Variants in MACROD2 observed in about 807,000 individuals in gnomAD.
The protein encoded by MACROD2 is ADP-ribose glycohydrolase MACROD2.
A neutral mutation model predicts 70.4 loss-of-function variants in MACROD2; 36 were observed. The observed-to-expected ratio is 0.51, with a 90% CI of 0.39 to 0.68. The LOEUF (loss-of-function observed/expected upper bound fraction) is 0.68. MACROD2 is among the 30% of genes least tolerant of loss of function. The pLI is 0.00. For missense variants in MACROD2, 496 were observed against 538.4 expected, an observed-to-expected ratio of 0.92 and a Z score of 0.78; for synonymous variants, 172 against 178.8, an observed-to-expected ratio of 0.96 and a Z score of 0.30.
At chr20:14,090,524 G>T (rs2054134034) in intron 3 of MACROD2, among the ~76,000 whole-genome samples, 1 of 146,890 alleles carries the variant, frequency 6.8e-6, no homozygotes, top group South Asian at 2.2e-4. Flanking sequence ...AATGAGCCGA[G>T]ATTGCACCAT....
Position 15,229,994 on chromosome 20 carries a change from A to G in MACROD2, c.473A>G (p.Lys158Arg), listed in dbSNP as rs1426787843. The change falls in exon 6 of 18, where the codon AAG (lysine) becomes AGG (arginine). Residue 158 changes from lysine to arginine, a missense_variant. Lys to Arg is a conservative substitution (Grantham distance 26, BLOSUM62 2). Transcript: ENST00000684519. ...IARGHINGSH[K>R]EDLANCYKSS... is the part of the protein sequence containing the mutation. ...AGGGGCCATATTAATGGTTCCCACA[A>G]GGAAGACCTTGCAAATTGCTATAAA... 3.7e-6 allele frequency: 6 copies of G among 1,613,764 alleles called. No homozygotes were observed. Among genetic ancestry groups the G allele is most frequent in the Middle Eastern group, 1.6e-4 (1 of 6,082 alleles).
intron 8 of MACROD2, among the ~76,000 whole-genome samples, chr20:15,708,594 G>A (rs1017833606): frequency 6.6e-6 from 1 of 152,294 alleles, no homozygotes; most frequent in Admixed American, 6.5e-5. Flanking sequence ...CTCGACTTGA[G>A]CCCAGCATGC....
intron 8 of MACROD2, among the ~76,000 whole-genome samples, chr20:15,802,329 G>A (rs946217633): frequency 6.6e-6 from 1 of 152,082 alleles, no homozygotes; most frequent in African/African-American, 2.4e-5. Context: ...CTGTGGGTTT[G>A]TCATATATAG....
chr20:15,385,109 A>G (rs2045695454), intron 6 of MACROD2, among the ~76,000 whole-genome samples: 1 of 152,194 alleles, frequency 6.6e-6, no homozygotes, highest in Non-Finnish European at 1.5e-5. Flanking sequence ...GAGTCTTTCC[A>G]AATGCACACA....
intron 5 of MACROD2, among the ~76,000 whole-genome samples, chr20:15,075,221 AAAG>A (rs1302890438): frequency 6.6e-6 from 1 of 152,178 alleles, no homozygotes; most frequent in Non-Finnish European, 1.5e-5. Flanking sequence ...AATGATGAAA[AAAG>A]ACGAGCATAT....
intron 5 of MACROD2, among the ~76,000 whole-genome samples, chr20:15,209,893 C>A: frequency 6.6e-6 from 1 of 152,152 alleles, no homozygotes; most frequent in East Asian, 1.9e-4. Context: ...AATGTTTGAC[C>A]TAATGTTTTC....
At chr20:15,312,104 A>G (rs1401520006) in intron 6 of MACROD2, among the ~76,000 whole-genome samples, 5 of 152,210 alleles carry the variant, frequency 3.3e-5, no homozygotes, top group African/African-American at 1.2e-4. Context: ...AAATGTAACA[A>G]CGTTAAAGGA....
intron 8 of MACROD2, among the ~76,000 whole-genome samples, chr20:15,501,453 C>T (rs1156925734): frequency 6.6e-6 from 1 of 152,172 alleles, no homozygotes; most frequent in Non-Finnish European, 1.5e-5. Context: ...AGGTACATCT[C>T]ATCAACAAAT....
rs900000133 is a variant in MACROD2 at position 14,265,614 on chromosome 20, C to A, written c.271+179886C>A. Among the ~76,000 whole-genome samples, 4 of 152,080 alleles carry A rather than the reference C, an allele frequency of 2.6e-5. 1 individual carries two copies. The South Asian group carries it at 8.3e-4, about 32-fold the overall frequency. The stretch of plus-strand genomic sequence containing the variant: ...GTTATATCTTTTCTTTTGTGTCAGT[C>A]CATACAACACTCTCATGGATTTAGC... On this transcript the variant is annotated intron_variant, in intron 3 of 17. Coordinates refer to ENST00000684519, the MANE Select transcript of MACROD2 (RefSeq NM_001351661.2).
chr20:15,878,419 G>A (rs1487704290), intron 9 of MACROD2, among the ~76,000 whole-genome samples: 2 of 152,118 alleles, frequency 1.3e-5, no homozygotes, highest in Non-Finnish European at 2.9e-5. Flanking sequence ...AGCTTTGGAT[G>A]CAATAGATCT....
At chr20:15,385,640 C>T (rs1234052485) in intron 6 of MACROD2, among the ~76,000 whole-genome samples, 2 of 152,152 alleles carry the variant, frequency 1.3e-5, no homozygotes, top group Non-Finnish European at 2.9e-5. Context: ...TTATTAACTT[C>T]TCCCTAGATA....
intron 3 of MACROD2, among the ~76,000 whole-genome samples, chr20:14,444,300 T>G (rs2084159477): frequency 6.6e-6 from 1 of 152,142 alleles, no homozygotes; most frequent in South Asian, 2.1e-4. Flanking sequence ...ATTGCTCAAT[T>G]GAGTGGTTAC....
At chr20:15,734,685 G>C (rs543708932) in intron 8 of MACROD2, among the ~76,000 whole-genome samples, 1 of 152,088 alleles carries the variant, frequency 6.6e-6, no homozygotes, top group Non-Finnish European at 1.5e-5. Context: ...CCTATTTCTT[G>C]TCCCTTTTAT....
intron 7 of MACROD2, among the ~76,000 whole-genome samples, chr20:15,454,288 G>T (rs563076016): frequency 1.3e-5 from 2 of 151,798 alleles, no homozygotes; most frequent in African/African-American, 4.8e-5. Context: ...ATCTTGCTGC[G>T]GTATTCTTTT....
intron 5 of MACROD2, among the ~76,000 whole-genome samples, chr20:15,012,682 C>T (rs931758027): frequency 1.9e-4 from 29 of 152,112 alleles, no homozygotes; most frequent in African/African-American, 6.0e-4. Flanking sequence ...CTCTGCCAGG[C>T]GTGGAAGAGA....
rs562965096 is a variant in MACROD2 at position 14,971,600 on chromosome 20, G to C, written c.419-258340G>C. ...TTCCTGTGGGTTGACTGGGTTCACT[G>C]GGGCAGGTCTCACTTGGGGTCCCTC... is the stretch of plus-strand genomic sequence containing the variant. On this transcript the variant is annotated intron_variant, in intron 5 of 17. Transcript: ENST00000684519. Among the ~76,000 whole-genome samples, 33 of 152,104 alleles carry C rather than the reference G, an allele frequency of 2.2e-4. No homozygotes were observed. In the South Asian group the frequency reaches 6.4e-3, roughly 30 times the overall value.
intron 5 of MACROD2, among the ~76,000 whole-genome samples, chr20:14,691,038 C>T (rs945676104): frequency 2.0e-5 from 3 of 152,206 alleles, no homozygotes; most frequent in Non-Finnish European, 4.4e-5. Context: ...CTGCCTCATC[C>T]TCCCGAGTAG....
chr20:15,716,687 A>G (rs1461868128), intron 8 of MACROD2, among the ~76,000 whole-genome samples: 1 of 152,212 alleles, frequency 6.6e-6, no homozygotes, highest in African/African-American at 2.4e-5. Flanking sequence ...ACAAGAAACA[A>G]CAAAAAGAAC....
intron 5 of MACROD2, among the ~76,000 whole-genome samples, chr20:14,719,895 A>G (rs2071444656): frequency 6.6e-6 from 1 of 152,176 alleles, no homozygotes; most frequent in Non-Finnish European, 1.5e-5. Flanking sequence ...GGAGGGAGAA[A>G]GGATGATAGA....
Sources: gnomAD v4.1 joint callset for allele counts (sites outside exome capture counted in the v4.1 genomes callset) on GRCh38, gnomAD v4.1.1 for gene constraint, MANE v1.5 for transcripts, NCBI Gene and HGNC (gene_info 2026-07-23, HGNC 2026-07-21) for gene names.